CACNA2D3: variants seen among roughly 807,000 people sequenced by gnomAD.
CACNA2D3 encodes the protein calcium voltage-gated channel auxiliary subunit alpha2delta 3.
Under a neutral mutation model 160.6 loss-of-function variants are expected in CACNA2D3, and 60 were observed. The ratio of observed to expected loss-of-function variants is 0.37; its 90% CI spans 0.30 to 0.46. CACNA2D3 has a LOEUF of 0.46. CACNA2D3 is among the 20% of genes least tolerant of loss of function. CACNA2D3 has a pLI of 1.00. For missense variants in CACNA2D3, 1,205 were observed against 1,365.0 expected (o/e 0.88, Z 1.85); for synonymous variants, 558 against 492.9 (o/e 1.13, Z -1.75).
chr3:54,756,241 C>T (rs915126658), intron 12 of CACNA2D3, among the ~76,000 whole-genome samples: 2 of 152,132 alleles, frequency 1.3e-5, no homozygotes, highest in Non-Finnish European at 2.9e-5. Flanking sequence ...CCTTCTTGAT[C>T]GTTTCATCTT....
chr3:54,218,850 G>T (rs536523348), intron 2 of CACNA2D3, among the ~76,000 whole-genome samples: 1 of 152,244 alleles, frequency 6.6e-6, no homozygotes, highest in South Asian at 2.1e-4. Flanking sequence ...CATTACACCA[G>T]CCCCTGCTTC....
chr3:54,777,395 G>A (rs933079959), intron 13 of CACNA2D3, among the ~76,000 whole-genome samples: 1 of 152,164 alleles, frequency 6.6e-6, no homozygotes, highest in African/African-American at 2.4e-5. Flanking sequence ...GCTCTTATTA[G>A]ACGTACAGAG....
intron 11 of CACNA2D3, among the ~76,000 whole-genome samples, chr3:54,681,497 A>G (rs1700349826): frequency 7.0e-6 from 1 of 143,884 alleles, no homozygotes; most frequent in Non-Finnish European, 1.5e-5. Context: ...CGGAGGTTGT[A>G]GTGGGCCAAG....
intron 17 of CACNA2D3, among the ~76,000 whole-genome samples, chr3:54,854,884 T>C (rs1028882538): frequency 3.3e-5 from 5 of 152,192 alleles, no homozygotes; most frequent in Non-Finnish European, 7.3e-5. Context: ...AGAAGACAGC[T>C]ATAGATAATT....
At chr3:54,594,319 A>G (rs1028356588) in intron 9 of CACNA2D3, among the ~76,000 whole-genome samples, 3 of 152,226 alleles carry the variant, frequency 2.0e-5, no homozygotes, top group Admixed American at 2.0e-4. Flanking sequence ...TTATGTTCCA[A>G]TAAAACTTTA....
intron 25 of CACNA2D3, among the ~76,000 whole-genome samples, chr3:54,892,011 G>A (rs532742522): frequency 6.6e-6 from 1 of 152,282 alleles, no homozygotes; most frequent in South Asian, 2.1e-4. Flanking sequence ...GATAGATGGT[G>A]GGCAGAGAGT....
intron 1 of CACNA2D3, 96 bp from the exon 2 acceptor site, chr3:54,123,417 T>G (rs1341182307): frequency 1.2e-6 from 1 of 849,994 alleles, no homozygotes; most frequent in East Asian, 2.4e-5. Flanking sequence ...ATCGCACTGC[T>G]CCTTCAGCCA....
At chr3:55,024,429 A>G (rs912494686) in intron 35 of CACNA2D3, among the ~76,000 whole-genome samples, 1 of 152,058 alleles carries the variant, frequency 6.6e-6, no homozygotes, top group African/African-American at 2.4e-5. Flanking sequence ...CTAATCCCCA[A>G]TGTGATAGTA....
At chr3:54,812,818 C>A (rs1703353737) in intron 13 of CACNA2D3, among the ~76,000 whole-genome samples, 1 of 152,200 alleles carries the variant, frequency 6.6e-6, no homozygotes, top group Admixed American at 6.5e-5. Context: ...TGGTGAGATA[C>A]TTAACCATTC....
intron 13 of CACNA2D3, among the ~76,000 whole-genome samples, chr3:54,793,296 A>G (rs1384729853): frequency 6.6e-6 from 1 of 152,244 alleles, no homozygotes; most frequent in African/African-American, 2.4e-5. Flanking sequence ...AGTGAGAGCC[A>G]AGACTGTAAC....
intron 11 of CACNA2D3, among the ~76,000 whole-genome samples, chr3:54,712,521 C>G (rs1260198712): frequency 6.6e-6 from 1 of 152,148 alleles, no homozygotes. Flanking sequence ...GGGATTTTCC[C>G]TGCACAAGCT....
chr3:54,855,918 C>G (rs953286812), intron 17 of CACNA2D3, among the ~76,000 whole-genome samples: 1 of 152,216 alleles, frequency 6.6e-6, no homozygotes, highest in East Asian at 1.9e-4. Flanking sequence ...GCTGCCCTGT[C>G]ACCCCTCCTT....
At chr3:54,618,352 C>CATACATACATACAT (rs56316245) in intron 9 of CACNA2D3, among the ~76,000 whole-genome samples, 4 of 119,892 alleles carry the variant, frequency 3.3e-5, no homozygotes, top group East Asian at 2.3e-4. Context: ...TTGATACATA[C>CATACATACATACAT]ATATATATAT....
Position 54,462,826 on chromosome 3 carries a change from A to T in CACNA2D3, c.382-40666A>T, listed in dbSNP as rs188146132. Reference sequence around the variant, plus strand: ...AATTTGATCCTGTCATTATGACGTTAGCTGGTGATTTTGCTCATTAGTTGA... The same window carrying T: ...AATTTGATCCTGTCATTATGACGTTTGCTGGTGATTTTGCTCATTAGTTGA... On this transcript the variant is annotated intron_variant, in intron 4 of 37. Coordinates refer to ENST00000474759, the MANE Select transcript of CACNA2D3 (RefSeq NM_018398.3). Among the ~76,000 whole-genome samples, 50 of 151,486 alleles carry T rather than the reference A, an allele frequency of 3.3e-4. 1 individual carries two copies. The East Asian group carries it at 9.6e-3, about 29-fold the overall frequency.
In CACNA2D3 at chr3:54,162,890, G is replaced by T. The variant is rs565441044; in HGVS notation, c.204+39296G>T. Among the ~76,000 whole-genome samples, 18 of 152,330 alleles carry T rather than the reference G, an allele frequency of 1.2e-4. 2 individuals carry two copies. The South Asian group carries it at 3.7e-3, about 32-fold the overall frequency. On this transcript the variant is annotated intron_variant, in intron 2 of 37. Coordinates refer to ENST00000474759, the MANE Select transcript of CACNA2D3 (RefSeq NM_018398.3). ...TTAATATATAATGTAATTTCAGGTA[G>T]TAAGTGGTATGAAGAACAATAAATA...
intron 27 of CACNA2D3, among the ~76,000 whole-genome samples, chr3:54,965,842 T>A (rs1295100379): frequency 1.3e-5 from 2 of 152,048 alleles, no homozygotes; most frequent in Non-Finnish European, 2.9e-5. Context: ...AACCTCATGG[T>A]GCAGGCAGGG....
intron 27 of CACNA2D3, among the ~76,000 whole-genome samples, chr3:54,937,559 G>C (rs777585924): frequency 6.6e-6 from 1 of 152,186 alleles, no homozygotes; most frequent in Non-Finnish European, 1.5e-5. Flanking sequence ...AGGGTCAACT[G>C]TATATGAAAA....
At chr3:54,489,307 A>G (rs545043661) in intron 4 of CACNA2D3, among the ~76,000 whole-genome samples, 14 of 152,322 alleles carry the variant, frequency 9.2e-5, no homozygotes, top group Non-Finnish European at 1.5e-4. Context: ...GAGGGATCAG[A>G]TGTGGGAGAC....
rs375130762 is a variant in CACNA2D3 at position 55,028,477 on chromosome 3, G to A, written c.2987+10160G>A. ...AAACAACTCAGCCCATATTTTCTGG[G>A]CATTTGTGACTGTCAACAAGTTGGA... is the stretch of plus-strand genomic sequence containing the variant. On this transcript the variant is annotated intron_variant, in intron 35 of 37. Transcript: ENST00000474759. Among the ~76,000 whole-genome samples the A allele has an allele frequency of 4.6e-5, 7 of 152,168 alleles. No homozygotes were observed. The East Asian group carries it at 1.4e-3, about 29-fold the overall frequency.
Sources: gnomAD v4.1 joint callset for allele counts (sites outside exome capture counted in the v4.1 genomes callset) on GRCh38, gnomAD v4.1.1 for gene constraint, MANE v1.5 for transcripts, NCBI Gene and HGNC (gene_info 2026-07-23, HGNC 2026-07-21) for gene names.